The following KYAT3 variants were observed in gnomAD, a reference collection of about 807,000 sequenced individuals.
The protein encoded by KYAT3 is kynurenine aminotransferase 3.
Under a neutral mutation model 59.0 loss-of-function variants are expected in KYAT3, and 50 were observed. The ratio of observed to expected loss-of-function variants is 0.85; its 90% CI spans 0.68 to 1.07. KYAT3 has a LOEUF of 1.07. KYAT3 is among the 50% of genes least tolerant of loss of function. The pLI, the probability that KYAT3 is intolerant of heterozygous loss-of-function variation, is 0.00. For synonymous variants in KYAT3, 148 were observed against 177.0 expected (o/e 0.84, Z 1.30); for missense variants, 497 against 533.3 (o/e 0.93, Z 0.67).
rs1676123431 is a variant in KYAT3, at chr1:88,961,164, T to C, written c.787+3A>G. On this transcript the variant is annotated splice_donor_region_variant and intron_variant, in intron 8 of 13. Coordinates refer to ENST00000260508, the MANE Select transcript of KYAT3 (RefSeq NM_001008661.3). The stretch of plus-strand genomic sequence containing the variant: ...ATATGTGACTCTGTGTTATAGTTGG[T>C]ACCTATTTTTAAGTGCTTATTTCCA... 1 of 1,613,204 alleles carries C rather than the reference T, an allele frequency of 6.2e-7. No individual in the cohort carries two copies.
chr1:88,983,920 C>T (rs1195115638), intron 2 of KYAT3: 2 of 1,447,610 alleles, frequency 1.4e-6, no homozygotes, highest in East Asian at 2.3e-5. Flanking sequence ...GCACCAGTGG[C>T]GGCTGTCAGT....
Position 88,983,364 on chromosome 1 carries a change from G to A in KYAT3, c.99+4888C>T, listed in dbSNP as rs758626579. 1.7e-5 allele frequency: 27 copies of A among 1,614,096 alleles called. No individual in the cohort carries two copies. Among genetic ancestry groups the A allele is most frequent in the South Asian group, 1.6e-4 (15 of 91,092 alleles). ...TTAGGAGAAGGACCCCCACTTCTTG[G>A]TGGTGGTCCTCTTTTTACTGGGAGT... On this transcript the variant is annotated intron_variant, in intron 2 of 13. Transcript: ENST00000260508.
At chr1:88,953,003 A>G (rs146754967) in intron 10 of KYAT3, 60 bp downstream of exon 10, 37 of 1,026,196 alleles carry the variant, frequency 3.6e-5, no homozygotes, top group Middle Eastern at 4.1e-4. Context: ...AATATGCAAT[A>G]TAAAAGTAAT....
At chr1:88,936,397 C>CA (rs1675039776) in intron 13 of KYAT3, 152 bp from the exon 14 acceptor site, 9 of 593,484 alleles carry the variant, frequency 1.5e-5, no homozygotes, top group African/African-American at 3.7e-5. Flanking sequence ...AAGCAGAACC[C>CA]AAAACAGGAA....
downstream of KYAT3, among the ~76,000 whole-genome samples, chr1:88,934,332 T>C (rs937969665): frequency 1.3e-5 from 2 of 152,178 alleles, no homozygotes; most frequent in Admixed American, 1.3e-4. Flanking sequence ...CGCACACTTG[T>C]AATCCTAGCT....
intron 2 of KYAT3, among the ~76,000 whole-genome samples, chr1:88,977,697 G>C (rs1266769582): frequency 6.6e-6 from 1 of 152,166 alleles, no homozygotes; most frequent in Admixed American, 6.5e-5. Flanking sequence ...AAAGTCTATA[G>C]TAGTGTACAG....
intron 13 of KYAT3, 142 bp downstream of exon 13, chr1:88,942,863 G>A (rs1675292840): frequency 3.0e-6 from 2 of 662,034 alleles, no homozygotes; most frequent in South Asian, 2.1e-5. Context: ...CGCCCAGCCA[G>A]TAAGCAGTTA....
At chr1:88,971,984 T>A (rs1676573567) in intron 2 of KYAT3, among the ~76,000 whole-genome samples, 1 of 152,236 alleles carries the variant, frequency 6.6e-6, no homozygotes, top group Non-Finnish European at 1.5e-5. Context: ...TTCTACAGCA[T>A]ATTTCTGGTC....
chr1:88,946,707 C>T (rs1480835177), intron 11 of KYAT3, among the ~76,000 whole-genome samples: 1 of 152,046 alleles, frequency 6.6e-6, no homozygotes, highest in Non-Finnish European at 1.5e-5. Context: ...CATTTAGACT[C>T]AATATAGAAA....
the KYAT3 span, among the ~76,000 whole-genome samples, chr1:88,921,351 C>T: frequency 6.6e-6 from 1 of 152,142 alleles, no homozygotes; most frequent in South Asian, 2.1e-4. Flanking sequence ...TGACTAGTTG[C>T]AAAGGAACTG....
Position 88,949,197 on chromosome 1 carries a change from C to G in KYAT3, c.1035G>C (p.Glu345Asp). 6.2e-7 allele frequency: 1 copy of G among 1,610,470 alleles called. No individual in the cohort carries two copies. The highest frequency in any genetic ancestry group is 8.5e-7 in the Non-Finnish European group (1 of 1,178,678). ...PECYFNSLPK[E>D]LEVKRDRMVR... is the part of the protein sequence containing the mutation. ...CCATCCGATCTCTTTTTACTTCTAACTCTTTTGGCAAAGAATTAAAGTAAC... is the reference window on the plus strand; with the variant it reads ...CCATCCGATCTCTTTTTACTTCTAAGTCTTTTGGCAAAGAATTAAAGTAAC... The change falls in exon 11 of 14, where the codon GAG (glutamate) becomes GAC (aspartate). Residue 345 changes from glutamate to aspartate, a missense_variant. Around this residue, in one of 2 missense-constraint regions of KYAT3, gnomAD observed 469 missense variants for 479.1 expected, o/e 0.98. Transcript: ENST00000260508.
At chr1:88,923,785 A>C in the KYAT3 span, 6 of 274,016 alleles carry the variant, frequency 2.2e-5, no homozygotes, top group African/African-American at 9.4e-5. Flanking sequence ...CTCAACTAAG[A>C]GTCCAGGAGA....
intron 1 of KYAT3, among the ~76,000 whole-genome samples, chr1:88,989,700 A>G (rs1677676619): frequency 6.6e-6 from 1 of 152,180 alleles, no homozygotes; most frequent in Admixed American, 6.5e-5. Flanking sequence ...AGACTGGGTG[A>G]GCCATACTCT....
intron 4 of KYAT3, 23 bp downstream of exon 4, chr1:88,968,647 C>T (rs758924845): frequency 3.9e-6 from 6 of 1,526,482 alleles, no homozygotes; most frequent in Middle Eastern, 1.7e-4. Context: ...AGCTCATGGC[C>T]CATATGGTCT....
Position 88,991,983 on chromosome 1 carries a change from G to GTTTTTT in KYAT3, c.-2+596_-2+601dup, listed in dbSNP as rs10638041. 3.2e-4 allele frequency among the ~76,000 whole-genome samples: 47 copies of GTTTTTT among 144,794 alleles called. 1 individual carries two copies. Among genetic ancestry groups the GTTTTTT allele is most frequent in the Non-Finnish European group, 4.4e-4 (29 of 66,626 alleles). The allele number at this position is 144,794 out of a possible 152,430, so 95.0% of individuals were successfully genotyped here. A position where few individuals can be genotyped will look rare whatever the true frequency, so the allele number is the denominator to read the frequency against. ...ACGTAACAGCCTTGGTATTCTTTTG[G>GTTTTTT]TTTTTTTTTTTTTGAGACGGAGTCT... is the stretch of plus-strand genomic sequence containing the variant. On this transcript the variant is annotated intron_variant, in intron 1 of 13. Transcript: ENST00000260508.
chr1:88,972,831 C>A (rs1676602922), intron 2 of KYAT3, among the ~76,000 whole-genome samples: 2 of 152,182 alleles, frequency 1.3e-5, no homozygotes, highest in Admixed American at 6.5e-5. Context: ...AACTGTCCAG[C>A]AGGGAACAGC....
intron 4 of KYAT3, among the ~76,000 whole-genome samples, chr1:88,968,076 T>C (rs1221332242): frequency 1.3e-5 from 2 of 152,202 alleles, no homozygotes; most frequent in Non-Finnish European, 2.9e-5. Context: ...TGGATTTTTA[T>C]AGTTAGACCA....
At chr1:88,972,396 G>A (rs1007860369) in intron 2 of KYAT3, among the ~76,000 whole-genome samples, 1 of 152,336 alleles carries the variant, frequency 6.6e-6, no homozygotes, top group Non-Finnish European at 1.5e-5. Flanking sequence ...CCATCACAGT[G>A]TCCAACATAT....
intron 2 of KYAT3, among the ~76,000 whole-genome samples, chr1:88,973,756 A>T (rs1570817536): frequency 6.6e-6 from 1 of 152,330 alleles, no homozygotes; most frequent in East Asian, 1.9e-4. Flanking sequence ...TAAGGAAAAG[A>T]TTAAGTCTTT....
Sources: gnomAD v4.1 joint callset for allele counts (sites outside exome capture counted in the v4.1 genomes callset) on GRCh38, gnomAD v4.1.1 for gene constraint, gnomAD v4.1.1 regional missense constraint, MANE v1.5 for transcripts, NCBI Gene and HGNC (gene_info 2026-07-23, HGNC 2026-07-21) for gene names.